Variants in PTPRG observed in about 807,000 individuals in gnomAD.
PTPRG encodes receptor-type tyrosine-protein phosphatase gamma.
PTPRG carries 102 observed loss-of-function variants against 165.3 expected under a neutral mutation model. The ratio of observed to expected loss-of-function variants is 0.62; its 90% confidence interval spans 0.53 to 0.73. The LOEUF (loss-of-function observed/expected upper bound fraction) is 0.73. PTPRG is among the 30% of genes least tolerant of loss of function. The probability of loss-of-function intolerance (pLI) is 0.00; values close to 1 mark genes in which losing one functional copy is unlikely to be tolerated. For missense variants in PTPRG, 1,866 were observed against 1,861.4 expected (o/e 1.00, Z -0.05); for synonymous variants, 675 against 669.5 (o/e 1.01, Z -0.13).
rs763215260 is a variant in PTPRG, at chr3:62,271,405, G to A, written c.3032G>A (p.Gly1011Asp). 6.2e-7 allele frequency: 1 copy of A among 1,608,474 alleles called. No homozygotes were observed. The highest frequency in any genetic ancestry group is 1.3e-5 in the African/African-American group (1 of 74,724). Residue 1011 changes from glycine (G) to aspartate (D), a missense_variant, in exon 21 of 30, where the codon GGT becomes GAT. By Grantham distance (94) the Gly-to-Asp change is moderately conservative. This residue lies in a region of PTPRG where 1,452 missense variants were observed against 1,463.0 expected (regional missense o/e 0.99). Transcript: ENST00000474889. This position sits in a 1 kb window ranked among gnomAD's most constrained non-coding sequence, Gnocchi z 4.1. ...CAGGGTCAGAAGGGAAATCCCAAGG[G>A]TCGTCAGAATGAAAGGGTAGTGATC... ...VKKGQKGNPK[G>D]RQNERVVIQY...
At chr3:61,964,817 C>G (rs2040231273) in intron 2 of PTPRG, among the ~76,000 whole-genome samples, 1 of 152,048 alleles carries the variant, frequency 6.6e-6, no homozygotes, top group East Asian at 1.9e-4. Context: ...CCAACCCACT[C>G]TATTGTCATT....
rs147017824 is a variant in PTPRG, at chr3:61,595,169, C to G, written c.85+32797C>G. Among the ~76,000 whole-genome samples, 16 of 151,818 alleles carry G rather than the reference C, an allele frequency of 1.1e-4. No homozygotes were observed. In the East Asian group the frequency reaches 3.1e-3, roughly 29 times the overall value. Reference sequence around the variant, plus strand: ...ATCTCCCACTTCCCCTGGACGAAACCGAACAAGATGTGTTTGTTTTTTTTT... The same window carrying G: ...ATCTCCCACTTCCCCTGGACGAAACGGAACAAGATGTGTTTGTTTTTTTTT... On this transcript the variant is annotated intron_variant, in intron 1 of 29. Coordinates refer to ENST00000474889, the MANE Select transcript of PTPRG (RefSeq NM_002841.4).
chr3:61,996,933 CTG>C (rs1417745598), intron 3 of PTPRG, among the ~76,000 whole-genome samples: 1 of 152,158 alleles, frequency 6.6e-6, no homozygotes, highest in African/African-American at 2.4e-5. Context: ...GAACTAGTTT[CTG>C]TGTAGACAGA....
At chr3:61,784,041 A>G (rs1423027437) in intron 2 of PTPRG, among the ~76,000 whole-genome samples, 2 of 152,192 alleles carry the variant, frequency 1.3e-5, no homozygotes, top group African/African-American at 4.8e-5. Context: ...ATATCCCCTG[A>G]GAAACACCAA....
chr3:62,184,137 C>A (rs937912127), intron 8 of PTPRG, among the ~76,000 whole-genome samples: 2 of 152,186 alleles, frequency 1.3e-5, no homozygotes, highest in Admixed American at 1.3e-4. Context: ...GAGCCCAGCT[C>A]TCGGATTCGG....
intron 1 of PTPRG, among the ~76,000 whole-genome samples, chr3:61,629,268 C>T (rs1192021324): frequency 1.3e-5 from 2 of 152,120 alleles, no homozygotes; most frequent in Non-Finnish European, 2.9e-5. Context: ...GATTCTCCTG[C>T]CTCAGCCTCC....
At chr3:61,817,633 C>T (rs1175148496) in intron 2 of PTPRG, among the ~76,000 whole-genome samples, 6 of 152,160 alleles carry the variant, frequency 3.9e-5, no homozygotes, top group Admixed American at 6.5e-5. Flanking sequence ...AAACCACCTA[C>T]AGCTACGAGA....
At chr3:62,189,367 C>T (rs1699747351) in intron 8 of PTPRG, among the ~76,000 whole-genome samples, 1 of 152,126 alleles carries the variant, frequency 6.6e-6, no homozygotes, top group Admixed American at 6.5e-5. Flanking sequence ...CATCCTGTCC[C>T]CAGAGCTGCC....
intron 1 of PTPRG, among the ~76,000 whole-genome samples, chr3:61,567,590 C>T (rs1397907378): frequency 6.7e-6 from 1 of 148,314 alleles, no homozygotes; most frequent in African/African-American, 2.5e-5. Context: ...TGCTTGAGCC[C>T]ACGAGGTTGA....
At chr3:61,932,790 T>A (rs1300428884) in intron 2 of PTPRG, among the ~76,000 whole-genome samples, 1 of 152,154 alleles carries the variant, frequency 6.6e-6, no homozygotes, top group East Asian at 1.9e-4. Flanking sequence ...TCTCTCACAG[T>A]TGCTTTGATC....
At chr3:62,022,970 G>A (rs1418766989) in intron 4 of PTPRG, among the ~76,000 whole-genome samples, 1 of 151,050 alleles carries the variant, frequency 6.6e-6, no homozygotes, top group Non-Finnish European at 1.5e-5. Context: ...TTGTCTTATT[G>A]CGTGTTTATT....
intron 14 of PTPRG, among the ~76,000 whole-genome samples, chr3:62,235,501 A>G: frequency 6.6e-6 from 1 of 152,216 alleles, no homozygotes; most frequent in Middle Eastern, 3.2e-3. Flanking sequence ...CCTGGAAAGT[A>G]TTACCAGTAC....
intron 8 of PTPRG, among the ~76,000 whole-genome samples, chr3:62,175,653 C>T (rs1289746102): frequency 1.3e-5 from 2 of 152,308 alleles, no homozygotes; most frequent in African/African-American, 2.4e-5. Flanking sequence ...GATGGTCCCT[C>T]ATCATGGAGT....
intron 12 of PTPRG, among the ~76,000 whole-genome samples, chr3:62,208,608 A>G (rs1700285352): frequency 6.6e-6 from 1 of 152,074 alleles, no homozygotes; most frequent in Non-Finnish European, 1.5e-5. Flanking sequence ...CCTGGCCTGC[A>G]TTTGCATGGC....
chr3:62,100,853 C>T (rs559554452), intron 5 of PTPRG, among the ~76,000 whole-genome samples: 6 of 152,102 alleles, frequency 3.9e-5, no homozygotes, highest in South Asian at 2.1e-4. Flanking sequence ...TGTTTTGTTT[C>T]GTTTTATTTT....
At chr3:61,637,759 G>C (rs929385880) in intron 1 of PTPRG, among the ~76,000 whole-genome samples, 6 of 152,114 alleles carry the variant, frequency 3.9e-5, no homozygotes, top group African/African-American at 1.4e-4. Flanking sequence ...TGTTGGCCAT[G>C]CACCAGAAAC....
At chr3:61,654,836 C>T (rs1187364845) in intron 1 of PTPRG, among the ~76,000 whole-genome samples, 1 of 142,648 alleles carries the variant, frequency 7.0e-6, no homozygotes, top group Non-Finnish European at 1.5e-5. Context: ...GGCTGGAGTG[C>T]AGTGGTGCAA....
chr3:62,034,517 G>C (rs1470678252), intron 4 of PTPRG, among the ~76,000 whole-genome samples: 1 of 152,232 alleles, frequency 6.6e-6, no homozygotes, highest in East Asian at 1.9e-4. Context: ...TCAGAGCCAT[G>C]TGTGAGTCTG....
intron 4 of PTPRG, among the ~76,000 whole-genome samples, chr3:62,027,575 C>T (rs1699605796): frequency 1.3e-5 from 2 of 152,094 alleles, no homozygotes; most frequent in East Asian, 1.9e-4. Context: ...GCCTCTACAC[C>T]CTGCAAAATC....
Sources: gnomAD v4.1 joint callset for allele counts (sites outside exome capture counted in the v4.1 genomes callset) on GRCh38, gnomAD v4.1.1 for gene constraint, gnomAD v4.1.1 regional missense constraint, Gnocchi (gnomAD v3.1) non-coding constraint, MANE v1.5 for transcripts, NCBI Gene and HGNC (gene_info 2026-07-23, HGNC 2026-07-21) for gene names.